DGCR2: variants seen among roughly 807,000 people sequenced by gnomAD.
DGCR2 encodes DiGeorge syndrome critical region gene 2, also known as integral membrane protein DGCR2/IDD.
Under a neutral mutation model 51.6 loss-of-function variants are expected in DGCR2, and 24 were observed. The ratio of observed to expected loss-of-function variants is 0.47; its 90% confidence interval spans 0.34 to 0.65. The LOEUF is 0.65. Among genes scored for constraint, DGCR2 ranks in the 30% least tolerant of loss-of-function variants. The pLI, the probability that DGCR2 is intolerant of heterozygous loss-of-function variation, is 0.01. For synonymous variants in DGCR2, 340 were observed against 315.4 expected, an observed-to-expected ratio of 1.08 and a Z score of -0.82; for missense variants, 765 against 772.1, an observed-to-expected ratio of 0.99 and a Z score of 0.11.
intron 4 of DGCR2, among the ~76,000 whole-genome samples, chr22:19,063,662 T>A (rs1465812397): frequency 2.0e-5 from 3 of 152,018 alleles, no homozygotes; most frequent in Non-Finnish European, 2.9e-5. Context: ...ACACTGAGCT[T>A]CTAACATGAG....
At chr22:19,063,138 G>A (rs983731394) in intron 5 of DGCR2, 64 bp downstream of exon 5, 3 of 1,476,636 alleles carry the variant, frequency 2.0e-6, no homozygotes, top group Non-Finnish European at 1.9e-6. Context: ...AGGGAGGAGG[G>A]GAGGCCCCGA....
intron 5 of DGCR2, among the ~76,000 whole-genome samples, chr22:19,059,994 A>C (rs576146015): frequency 2.0e-4 from 30 of 152,178 alleles, no homozygotes; most frequent in Non-Finnish European, 2.9e-4. Context: ...ACAGCCACAG[A>C]ATGAGCCTCC....
chr22:19,074,146 C>T (rs2082847543), intron 2 of DGCR2, among the ~76,000 whole-genome samples: 1 of 152,270 alleles, frequency 6.6e-6, no homozygotes, highest in Non-Finnish European at 1.5e-5. Flanking sequence ...TTAAACATGG[C>T]TCGGCACGGT....
intron 5 of DGCR2, chr22:19,060,956 C>A (rs765639481): frequency 4.4e-6 from 2 of 453,052 alleles, no homozygotes; most frequent in East Asian, 1.2e-4. Flanking sequence ...ACACCCCAAT[C>A]TGGAACATAT....
intron 6 of DGCR2, among the ~76,000 whole-genome samples, chr22:19,054,486 A>G (rs772554412): frequency 2.0e-5 from 3 of 152,270 alleles, no homozygotes; most frequent in Non-Finnish European, 4.4e-5. Context: ...AGGTGGTTCT[A>G]TCAAACACTC....
intron 4 of DGCR2, among the ~76,000 whole-genome samples, chr22:19,063,648 C>A (rs1180070737): frequency 6.6e-6 from 1 of 151,892 alleles, no homozygotes; most frequent in Non-Finnish European, 1.5e-5. Context: ...TACTGACCTC[C>A]ACAACACTGA....
At chr22:19,086,762 T>A (rs140815044) in intron 2 of DGCR2, among the ~76,000 whole-genome samples, 52 of 152,140 alleles carry the variant, frequency 3.4e-4, no homozygotes, top group African/African-American at 1.2e-3. Flanking sequence ...GGAAAACATA[T>A]GGCAACCAAT....
chr22:19,062,775 G>GCTCTCTCTCTCTCTCTCTCTCTCTCTCT (rs1491258740), intron 5 of DGCR2, among the ~76,000 whole-genome samples: 52 of 108,952 alleles, frequency 4.8e-4, no homozygotes, highest in South Asian at 1.2e-3. Flanking sequence ...ACACATGCAT[G>GCTCTCTCTCTCTCTCTCTCTCTCTCTCT]CTCACTCTCT....
At chr22:19,063,515 T>TA (rs1309499082) in intron 4 of DGCR2, among the ~76,000 whole-genome samples, 1 of 143,726 alleles carries the variant, frequency 7.0e-6, no homozygotes, top group Non-Finnish European at 1.5e-5. Context: ...ATTTTTGTAT[T>TA]TTTTTTTTTT....
intron 1 of DGCR2, among the ~76,000 whole-genome samples, chr22:19,113,834 G>A (rs911521641): frequency 3.9e-5 from 6 of 152,076 alleles, no homozygotes; most frequent in African/African-American, 7.2e-5. Context: ...CAAGGCAGAC[G>A]GATCACCTGA....
chr22:19,056,616 G>A (rs180759188), intron 6 of DGCR2: 112 of 380,962 alleles, frequency 2.9e-4, no homozygotes, highest in African/African-American at 2.1e-3. Flanking sequence ...GAGAAGCAGA[G>A]AGAAGGATGG....
chr22:19,063,169 CT>C, intron 5 of DGCR2, 32 bp downstream of exon 5: 2 of 1,605,608 alleles, frequency 1.2e-6, no homozygotes, highest in Non-Finnish European at 1.7e-6. Context: ...CTCTGCCCAG[CT>C]TCAAACACTC....
chr22:19,115,478 C>A (rs896128567), intron 1 of DGCR2, among the ~76,000 whole-genome samples: 15 of 152,376 alleles, frequency 9.8e-5, no homozygotes, highest in African/African-American at 3.6e-4. Flanking sequence ...CGGATCCCAT[C>A]CTCCCAAGGC....
chr22:19,091,176 T>C (rs558476814), intron 1 of DGCR2, among the ~76,000 whole-genome samples: 1 of 152,164 alleles, frequency 6.6e-6, no homozygotes, highest in African/African-American at 2.4e-5. Context: ...CTGAGCAACA[T>C]GGCAAAATGC....
intron 1 of DGCR2, among the ~76,000 whole-genome samples, chr22:19,101,614 A>G (rs1374761363): frequency 2.0e-5 from 3 of 151,914 alleles, no homozygotes; most frequent in Admixed American, 1.3e-4. Flanking sequence ...GGTGGCGCAC[A>G]CCTGTAGTTC....
intron 7 of DGCR2, among the ~76,000 whole-genome samples, chr22:19,042,245 G>C (rs982812370): frequency 6.6e-6 from 1 of 152,212 alleles, no homozygotes; most frequent in South Asian, 2.1e-4. Flanking sequence ...AGCAAACTAG[G>C]ATTTCCTGTC....
chr22:19,092,205 G>A (rs142186385), intron 1 of DGCR2, among the ~76,000 whole-genome samples: 1,852 of 152,212 alleles, frequency 0.012, 11 homozygotes, highest in South Asian at 0.022. Context: ...TTAGCCAGGT[G>A]TGGTGGCACA....
At chr22:19,111,847 TTTTTATTTA>T (rs2083318001) in intron 1 of DGCR2, among the ~76,000 whole-genome samples, 1 of 129,354 alleles carries the variant, frequency 7.7e-6, no homozygotes, top group African/African-American at 3.4e-5. Flanking sequence ...TTGTTTTTAT[TTTTTATTTA>T]TTTATTTTTT....
At chr22:19,060,173 T>C (rs1369376592) in intron 5 of DGCR2, among the ~76,000 whole-genome samples, 1 of 152,130 alleles carries the variant, frequency 6.6e-6, no homozygotes, top group African/African-American at 2.4e-5. Context: ...CAATGCACCT[T>C]CCAGTGGCTG....
Sources: gnomAD v4.1 joint callset for allele counts (sites outside exome capture counted in the v4.1 genomes callset) on GRCh38, gnomAD v4.1.1 for gene constraint, MANE v1.5 for transcripts, NCBI Gene and HGNC (gene_info 2026-07-23, HGNC 2026-07-21) for gene names.